PCDHGA1: variants seen among roughly 807,000 people sequenced by gnomAD.
The protein encoded by PCDHGA1 is protocadherin gamma subfamily A, 1, also known as protocadherin gamma-A1.
PCDHGA1 carries 32 observed loss-of-function variants against 58.0 expected under a neutral mutation model. That is an observed-to-expected ratio of 0.55 (90% CI 0.42 to 0.74). The LOEUF (loss-of-function observed/expected upper bound fraction) is 0.74, where lower values mean the gene tolerates loss of function less well. PCDHGA1 is among the 30% of genes least tolerant of loss of function. The pLI is 0.00. For synonymous variants in PCDHGA1, 498 were observed against 501.1 expected (o/e 0.99, Z 0.08); for missense variants, 1,205 against 1,182.3 (o/e 1.02, Z -0.28).
rs2097372368 is a variant in PCDHGA1 at position 141,431,422 on chromosome 5, G to A, written c.2422-63385G>A. On this transcript the variant is annotated intron_variant, in intron 1 of 3. Coordinates refer to ENST00000517417, the MANE Select transcript of PCDHGA1 (RefSeq NM_018912.3). This position sits in a 1 kb window ranked among gnomAD's most constrained non-coding sequence, Gnocchi z 4.8. ...CGGCCTCCGACGGGGGCGACCCGGTGCGCACAGGCACCGCGCGCATCCGCG... is the reference window on the plus strand; with the variant it reads ...CGGCCTCCGACGGGGGCGACCCGGTACGCACAGGCACCGCGCGCATCCGCG... 6.2e-7 allele frequency: 1 copy of A among 1,613,710 alleles called. No individual in the cohort carries two copies. The highest frequency in any genetic ancestry group is 2.2e-5 in the East Asian group (1 of 44,882).
chr5:141,403,671 C>T (rs1322750068), intron 1 of PCDHGA1: 3 of 1,613,786 alleles, frequency 1.9e-6, no homozygotes, highest in African/African-American at 1.3e-5. Flanking sequence ...GATAATGCCC[C>T]GGTTTTTGCT....
At chr5:141,409,743 T>C in intron 1 of PCDHGA1, 2 of 1,613,048 alleles carry the variant, frequency 1.2e-6, no homozygotes, top group Non-Finnish European at 1.7e-6. Flanking sequence ...AGCGGGGTGG[T>C]GTTCGCGCAG....
At chr5:141,385,465 G>T in intron 1 of PCDHGA1, 1 of 1,441,910 alleles carries the variant, frequency 6.9e-7, no homozygotes, top group Non-Finnish European at 9.1e-7. Flanking sequence ...TCCTTCAGTG[G>T]TGACACTTTA....
intron 1 of PCDHGA1, among the ~76,000 whole-genome samples, chr5:141,433,395 CTA>C (rs1426636882): frequency 1.1e-4 from 17 of 150,770 alleles, no homozygotes; most frequent in African/African-American, 4.1e-4. Flanking sequence ...ATCTATCTAT[CTA>C]TCTATCTATT....
At position 141,450,006 on chromosome 5, in the gene PCDHGA1, C is replaced by CTAT. The variant is rs70988802; in HGVS notation, c.2422-44800_2422-44799insATT. ...CACATTGCATTTAGTTGCCATGTCT[C>CTAT]TTTTTTTTTTTTTTTTTTGAGACAG... On this transcript the variant is annotated intron_variant, in intron 1 of 3. Transcript: ENST00000517417. Among the ~76,000 whole-genome samples the CTAT allele has an allele frequency of 2.5e-4, 33 of 132,964 alleles. 6 individuals are homozygous for CTAT. Among genetic ancestry groups the CTAT allele is most frequent in the Non-Finnish European group, 2.9e-4 (18 of 62,916 alleles). The allele number at this position is 132,964 out of a possible 152,430, so 87.2% of individuals were successfully genotyped here. A position where few individuals can be genotyped will look rare whatever the true frequency, so the allele number is the denominator to read the frequency against.
At chr5:141,484,499 A>G (rs567556335) in intron 1 of PCDHGA1, among the ~76,000 whole-genome samples, 20 of 152,344 alleles carry the variant, frequency 1.3e-4, no homozygotes, top group African/African-American at 4.6e-4. Flanking sequence ...CCGTTTCTGA[A>G]TATTCTGCAG....
chr5:141,341,340 T>TTCTATCAGCACCCCAGTC (rs1757047503), intron 1 of PCDHGA1: 1 of 1,614,140 alleles, frequency 6.2e-7, no homozygotes, highest in Non-Finnish European at 8.5e-7. Context: ...AAAAAGGATT[T>TTCTATCAGCACCCCAGTC]TTTATCAGCG....
At chr5:141,365,015 C>A (rs773470378) in intron 1 of PCDHGA1, 2 of 1,613,904 alleles carry the variant, frequency 1.2e-6, no homozygotes, top group South Asian at 2.2e-5. Context: ...CACGCACATC[C>A]GTGTTACGGT....
chr5:141,339,570 T>C, intron 1 of PCDHGA1: 4 of 1,614,182 alleles, frequency 2.5e-6, no homozygotes, highest in Non-Finnish European at 3.4e-6. Flanking sequence ...GAGCGCTCTC[T>C]GGACCGCGAG....
In PCDHGA1 at chr5:141,490,113, C is replaced by G. The variant is rs2099696295; in HGVS notation, c.2422-4694C>G. Reference sequence around the variant, plus strand: ...ACCACACATCTGAGGCAGTGCGGAACCTCTTTGGCCTAGACCCTAGCAGTG... The same window carrying G: ...ACCACACATCTGAGGCAGTGCGGAAGCTCTTTGGCCTAGACCCTAGCAGTG... On this transcript the variant is annotated intron_variant, in intron 1 of 3. Transcript: ENST00000517417. This position sits in a 1 kb window ranked among gnomAD's most constrained non-coding sequence, Gnocchi z 5.4. 1 of 1,614,258 alleles carries G rather than the reference C, an allele frequency of 6.2e-7. No individual in the cohort carries two copies.
In PCDHGA1 at chr5:141,494,748, C is replaced by T. The variant is rs566281527; in HGVS notation, c.2422-59C>T. On this transcript the variant is annotated intron_variant, in intron 1 of 3. Coordinates refer to ENST00000517417, the MANE Select transcript of PCDHGA1 (RefSeq NM_018912.3). ...CTCTCCCGGCCCATCCCTAGGGGCTCGGGTGACATTCTAACTTCTCACGGG... is the reference window on the plus strand; with the variant it reads ...CTCTCCCGGCCCATCCCTAGGGGCTTGGGTGACATTCTAACTTCTCACGGG... 1.4e-5 allele frequency: 22 copies of T among 1,613,104 alleles called. No individual in the cohort carries two copies. The East Asian group carries it at 4.2e-4, about 31-fold the overall frequency.
intron 1 of PCDHGA1, chr5:141,388,909 C>T: frequency 6.2e-7 from 1 of 1,613,902 alleles, no homozygotes. Flanking sequence ...AATGACAACG[C>T]CCCAGAAGTG....
intron 3 of PCDHGA1, among the ~76,000 whole-genome samples, chr5:141,510,092 T>C (rs973542449): frequency 6.6e-6 from 1 of 152,138 alleles, no homozygotes; most frequent in South Asian, 2.1e-4. Flanking sequence ...TGGCACACAG[T>C]AGGTGCTCAA....
rs754983576 is a variant in PCDHGA1 at position 141,330,809 on chromosome 5, G to T, written c.125G>T (p.Gly42Val). The T allele has an allele frequency of 1.9e-6, 3 of 1,614,198 alleles. No individual in the cohort carries two copies. Among genetic ancestry groups the T allele is most frequent in the Non-Finnish European group, 2.5e-6 (3 of 1,180,034 alleles). The change falls in exon 1 of 4, where the codon GGT (glycine) becomes GTT (valine). Residue 42 changes from glycine to valine, a missense_variant. Coordinates refer to ENST00000517417, the MANE Select transcript of PCDHGA1 (RefSeq NM_018912.3). ...TCAGTGCCGGAAGAGACAGACAAAG[G>T]TTCCTTCGTAGGCAACATCGCCAAG... Reference protein sequence around the residue: ...HYSVPEETDKGSFVGNIAKDL... With the variant: ...HYSVPEETDKVSFVGNIAKDL...
At chr5:141,433,273 A>T in intron 1 of PCDHGA1, 1 of 1,258,988 alleles carries the variant, frequency 7.9e-7, no homozygotes. Flanking sequence ...AGCTCACTGC[A>T]GCCTCAAACT....
intron 2 of PCDHGA1, among the ~76,000 whole-genome samples, chr5:141,496,703 GT>G (rs1360916053): frequency 6.6e-6 from 1 of 152,132 alleles, no homozygotes; most frequent in East Asian, 1.9e-4. Context: ...CTTCTCATAA[GT>G]TATCCATTAA....
At chr5:141,422,966 C>A (rs762530904) in intron 1 of PCDHGA1, 1 of 1,614,112 alleles carries the variant, frequency 6.2e-7, no homozygotes, top group Admixed American at 1.7e-5. Flanking sequence ...GAGCTGGCGC[C>A]CCGCTCTGCG....
chr5:141,375,174 C>A (rs765614006), intron 1 of PCDHGA1: 3 of 1,614,006 alleles, frequency 1.9e-6, no homozygotes, highest in Non-Finnish European at 2.5e-6. Context: ...CCTCCAGGAA[C>A]AGTAATCGCC....
chr5:141,484,266 T>G (rs2099593967), intron 1 of PCDHGA1, among the ~76,000 whole-genome samples: 1 of 152,220 alleles, frequency 6.6e-6, no homozygotes, highest in Non-Finnish European at 1.5e-5. Flanking sequence ...ACACTGATTC[T>G]TTACTGTTTT....
Sources: allele counts gnomAD v4.1 joint callset (sites outside exome capture counted in the v4.1 genomes callset), GRCh38; gene constraint gnomAD v4.1.1; non-coding constraint Gnocchi (gnomAD v3.1); transcripts MANE v1.5; gene names NCBI Gene and HGNC (gene_info 2026-07-23, HGNC 2026-07-21).